Variants in CCSER1 observed in about 807,000 individuals in gnomAD.
CCSER1 encodes serine-rich coiled-coil domain-containing protein 1.
In CCSER1, 41 loss-of-function variants were observed where a neutral mutation model predicts 82.0. The observed-to-expected ratio is 0.50, with a 90% CI of 0.39 to 0.65. The LOEUF (loss-of-function observed/expected upper bound fraction) is 0.65. CCSER1 is among the 30% of genes least tolerant of loss of function. CCSER1 has a pLI of 0.00. For missense variants in CCSER1, 1,119 were observed against 1,064.2 expected (o/e 1.05, Z -0.72); for synonymous variants, 414 against 383.9 (o/e 1.08, Z -0.92).
At position 91,279,156 on chromosome 4, in the gene CCSER1, C is replaced by A. The variant is rs373542286; in HGVS notation, c.2217+193162C>A. ...ATCTGCTGTTAGTCTGATGGAATTG[C>A]CTTAGAAGTGAGTCGATGCTTTTCT... On this transcript the variant is annotated intron_variant, in intron 10 of 10. Coordinates refer to ENST00000509176, the MANE Select transcript of CCSER1 (RefSeq NM_001145065.2). Among the ~76,000 whole-genome samples the A allele has an allele frequency of 1.7e-4, 26 of 151,922 alleles. No individual in the cohort carries two copies. The East Asian group carries it at 5.0e-3, about 29-fold the overall frequency.
At chr4:91,464,535 T>G (rs1187616201) in intron 10 of CCSER1, among the ~76,000 whole-genome samples, 1 of 152,090 alleles carries the variant, frequency 6.6e-6, no homozygotes, top group Non-Finnish European at 1.5e-5. Flanking sequence ...GGCTAAATGC[T>G]CCAATTAAAA....
chr4:90,368,935 C>G, intron 3 of CCSER1, among the ~76,000 whole-genome samples: 1 of 151,820 alleles, frequency 6.6e-6, no homozygotes, highest in Non-Finnish European at 1.5e-5. Flanking sequence ...AAACCCTTAA[C>G]CATTTATTCC....
intron 1 of CCSER1, among the ~76,000 whole-genome samples, chr4:90,202,296 AG>A (rs927223735): frequency 1.3e-5 from 2 of 151,266 alleles, no homozygotes; most frequent in African/African-American, 4.9e-5. Flanking sequence ...TCTGCCTCCC[AG>A]GTTCAAGCGA....
In CCSER1 at chr4:91,517,773, T is replaced by A. The variant is rs999242551; in HGVS notation, c.2218-80799T>A. 3.2e-4 allele frequency among the ~76,000 whole-genome samples: 46 copies of A among 142,186 alleles called. No homozygotes were observed. The East Asian group carries it at 8.8e-3, about 27-fold the overall frequency. 93.3% of individuals were successfully genotyped at this position (142,186 alleles called of 152,430 possible). On this transcript the variant is annotated intron_variant, in intron 10 of 10. Coordinates refer to ENST00000509176, the MANE Select transcript of CCSER1 (RefSeq NM_001145065.2). ...GTGTGTGTGTGTGTGTGTGTGTGTG[T>A]GTGTGTGTGTGTTTAACTTTGATAT...
intron 10 of CCSER1, among the ~76,000 whole-genome samples, chr4:91,262,326 T>C (rs1741254188): frequency 6.6e-6 from 1 of 152,078 alleles, no homozygotes; most frequent in African/African-American, 2.4e-5. Flanking sequence ...TACATGTTAG[T>C]AACTATCATT....
chr4:91,115,841 TTA>T (rs59028567), intron 10 of CCSER1, among the ~76,000 whole-genome samples: 31 of 115,202 alleles, frequency 2.7e-4, no homozygotes, highest in African/African-American at 7.1e-4. Flanking sequence ...TTCCATTCTT[TTA>T]TATATATATA....
intron 5 of CCSER1, among the ~76,000 whole-genome samples, chr4:90,593,209 T>A (rs1033575838): frequency 1.3e-5 from 2 of 152,058 alleles, no homozygotes; most frequent in Non-Finnish European, 2.9e-5. Flanking sequence ...TTGTTCCAAT[T>A]TAACTTTAAA....
At chr4:90,295,414 G>A (rs977852520) in intron 1 of CCSER1, among the ~76,000 whole-genome samples, 5 of 151,876 alleles carry the variant, frequency 3.3e-5, no homozygotes, top group South Asian at 4.1e-4. Context: ...ATATCTGCTC[G>A]TAATGTTGAT....
chr4:91,582,393 T>C (rs1254771210), intron 10 of CCSER1, among the ~76,000 whole-genome samples: 1 of 151,602 alleles, frequency 6.6e-6, no homozygotes, highest in Non-Finnish European at 1.5e-5. Context: ...ACAATTAAAA[T>C]GATTTTTTGC....
intron 10 of CCSER1, among the ~76,000 whole-genome samples, chr4:91,507,247 C>T (rs1414901884): frequency 6.6e-6 from 1 of 152,122 alleles, no homozygotes; most frequent in African/African-American, 2.4e-5. Flanking sequence ...ATCCCAACAG[C>T]AACATATGAG....
chr4:90,385,594 G>T (rs1471170702), intron 3 of CCSER1, among the ~76,000 whole-genome samples: 1 of 151,410 alleles, frequency 6.6e-6, no homozygotes, highest in Non-Finnish European at 1.5e-5. Flanking sequence ...CGAGTAGCTA[G>T]GACTACAGGC....
chr4:90,920,529 C>T (rs1255454101), intron 8 of CCSER1, among the ~76,000 whole-genome samples: 2 of 151,912 alleles, frequency 1.3e-5, no homozygotes, highest in Admixed American at 6.6e-5. Context: ...TTCTTAGATT[C>T]CATATCACTC....
intron 5 of CCSER1, among the ~76,000 whole-genome samples, chr4:90,592,300 T>C (rs1291711030): frequency 6.6e-6 from 1 of 152,216 alleles, no homozygotes; most frequent in Non-Finnish European, 1.5e-5. Flanking sequence ...TTTACCATTG[T>C]GATAATGCTT....
chr4:91,495,555 G>A (rs917594014), intron 10 of CCSER1, among the ~76,000 whole-genome samples: 3 of 151,262 alleles, frequency 2.0e-5, no homozygotes, highest in African/African-American at 7.3e-5. Flanking sequence ...CAGTAAAATA[G>A]CTGAAAGAAT....
At chr4:90,566,032 ATT>A (rs375375662) in intron 5 of CCSER1, among the ~76,000 whole-genome samples, 57 of 122,436 alleles carry the variant, frequency 4.7e-4, no homozygotes, top group Non-Finnish European at 4.6e-4. Flanking sequence ...TAATTTTTGT[ATT>A]TTTTTTTTTT....
chr4:90,616,679 TGTCTCACACA>T (rs1343097584), intron 5 of CCSER1, among the ~76,000 whole-genome samples: 66 of 135,668 alleles, frequency 4.9e-4, no homozygotes, highest in Non-Finnish European at 8.3e-4. Context: ...AGTGTGGCTC[TGTCTCACACA>T]CACACACACA....
At chr4:90,594,699 T>G (rs1783104687) in intron 5 of CCSER1, among the ~76,000 whole-genome samples, 1 of 152,108 alleles carries the variant, frequency 6.6e-6, no homozygotes, top group Admixed American at 6.6e-5. Flanking sequence ...GTGAACAACA[T>G]GTAGAGTTCT....
chr4:91,227,228 T>C (rs539750204), intron 10 of CCSER1, among the ~76,000 whole-genome samples: 5 of 151,816 alleles, frequency 3.3e-5, no homozygotes, highest in Admixed American at 6.6e-5. Flanking sequence ...TTCATAAATA[T>C]TCTTATACCA....
intron 8 of CCSER1, among the ~76,000 whole-genome samples, chr4:90,827,798 C>A (rs1420933355): frequency 2.0e-5 from 3 of 152,156 alleles, no homozygotes; most frequent in Admixed American, 1.3e-4. Flanking sequence ...TGACAACGGG[C>A]AGATTAATAG....
Sources: gnomAD v4.1 joint callset for allele counts (sites outside exome capture counted in the v4.1 genomes callset) on GRCh38, gnomAD v4.1.1 for gene constraint, MANE v1.5 for transcripts, NCBI Gene and HGNC (gene_info 2026-07-23, HGNC 2026-07-21) for gene names.